The following CYP19A1 variants were observed in gnomAD, a reference collection of about 807,000 sequenced individuals.
CYP19A1 encodes the protein aromatase.
CYP19A1 carries 32 observed loss-of-function variants against 44.4 expected under a neutral mutation model. The observed-to-expected ratio is 0.72, with a 90% confidence interval of 0.54 to 0.97. The LOEUF (loss-of-function observed/expected upper bound fraction) is 0.97. CYP19A1 is among the 50% of genes least tolerant of loss of function. The probability of loss-of-function intolerance (pLI) is 0.00; values close to 1 mark genes in which losing one functional copy is unlikely to be tolerated. For synonymous variants in CYP19A1, 212 were observed against 215.6 expected (o/e 0.98, Z 0.14); for missense variants, 598 against 637.8 (o/e 0.94, Z 0.67).
chr15:51,278,803 T>G (rs1257542284), intron 1 of CYP19A1: 1 of 152,074 alleles, frequency 6.6e-6, no homozygotes, highest in Non-Finnish European at 1.5e-5. Context: ...TAAGGTAAGG[T>G]TTGACTTGGG....
intron 1 of CYP19A1, among the ~76,000 whole-genome samples, chr15:51,289,628 C>G (rs1239430055): frequency 6.6e-6 from 1 of 152,190 alleles, no homozygotes; most frequent in Non-Finnish European, 1.5e-5. Context: ...TCCCCACTCT[C>G]CAGCCAGCCA....
At chr15:51,230,012 G>C (rs1288508303) in intron 3 of CYP19A1, among the ~76,000 whole-genome samples, 1 of 152,176 alleles carries the variant, frequency 6.6e-6, no homozygotes, top group Non-Finnish European at 1.5e-5. Context: ...TGTCCTTTAG[G>C]GGGCACCAAC....
rs138451461 is a variant in CYP19A1, at chr15:51,290,061, G to A, written c.-38-47111C>T. Among the ~76,000 whole-genome samples the A allele has an allele frequency of 1.1e-3, 175 of 152,318 alleles. 1 individual carries two copies. Among genetic ancestry groups the A allele is most frequent in the African/African-American group, 3.8e-3 (160 of 41,574 alleles). On this transcript the variant is annotated intron_variant, in intron 1 of 9. Coordinates refer to ENST00000396402, the MANE Select transcript of CYP19A1 (RefSeq NM_000103.4). ...TCTTTTGAGTGTGGTCTCCCCTGGGGTCACAGCCCCAGTGAGCCCTCACTT... is the reference window on the plus strand; with the variant it reads ...TCTTTTGAGTGTGGTCTCCCCTGGGATCACAGCCCCAGTGAGCCCTCACTT...
chr15:51,228,005 G>C (rs1363987456), intron 3 of CYP19A1, 72 bp from the exon 4 acceptor site: 2 of 840,400 alleles, frequency 2.4e-6, no homozygotes, highest in East Asian at 2.4e-5. Flanking sequence ...TTTTGACTAG[G>C]AGGTAGCTCT....
intron 1 of CYP19A1, among the ~76,000 whole-genome samples, chr15:51,283,656 A>C (rs530894016): frequency 8.1e-4 from 124 of 152,230 alleles, no homozygotes; most frequent in Non-Finnish European, 1.4e-3. Context: ...AAAGGAAATC[A>C]AAAGGCAAGA....
chr15:51,233,323 C>A (rs2033166421), intron 3 of CYP19A1, among the ~76,000 whole-genome samples: 1 of 152,196 alleles, frequency 6.6e-6, no homozygotes, highest in African/African-American at 2.4e-5. Context: ...TGGTCCCAGG[C>A]AAACTGAAAC....
rs77295334 is a variant in CYP19A1, at chr15:51,310,278, G to A, written c.-39+28217C>T. On this transcript the variant is annotated intron_variant, in intron 1 of 9. Transcript: ENST00000396402. ...AGTCCTCTAAAAGCAGCTAGATTGC[G>A]AAAAGAAGTCAAAATTTGCTGAATG... Among the ~76,000 whole-genome samples the A allele has an allele frequency of 5.7e-4, 87 of 152,210 alleles. 2 individuals carry two copies. In the East Asian group the frequency reaches 0.016, roughly 28 times the overall value.
In CYP19A1 at chr15:51,215,996, A is replaced by T. The variant is rs180836489; in HGVS notation, c.744-179T>A. On this transcript the variant is annotated intron_variant, in intron 6 of 9. Coordinates refer to ENST00000396402, the MANE Select transcript of CYP19A1 (RefSeq NM_000103.4). ...TACCCTTAAATTACATAGACCCTAC[A>T]CTTCATGTTAAGGTGCCAGAGTTAG... The T allele has an allele frequency of 1.8e-5, 22 of 1,244,302 alleles. No individual in the cohort carries two copies. In the African/African-American group the frequency reaches 2.7e-4, roughly 15 times the overall value. The allele number at this position is 1,244,302 out of a possible 1,614,324, so 77.1% of individuals were successfully genotyped here. A position where few individuals can be genotyped will look rare whatever the true frequency, so the allele number is the denominator to read the frequency against.
intron 3 of CYP19A1, among the ~76,000 whole-genome samples, chr15:51,236,264 A>T (rs1265569346): frequency 6.6e-6 from 1 of 152,172 alleles, no homozygotes; most frequent in African/African-American, 2.4e-5. Context: ...TCTTTACTTT[A>T]ATCGGATTCA....
chr15:51,272,966 C>CT (rs564614710), intron 1 of CYP19A1, among the ~76,000 whole-genome samples: 8 of 149,704 alleles, frequency 5.3e-5, no homozygotes, highest in Admixed American at 1.3e-4. Context: ...TCTTTCCTCA[C>CT]TTTTTTTTTT....
chr15:51,303,043 G>A (rs1438554165), intron 1 of CYP19A1, among the ~76,000 whole-genome samples: 2 of 152,228 alleles, frequency 1.3e-5, no homozygotes, highest in Non-Finnish European at 2.9e-5. Context: ...TCCCAACCCT[G>A]AAGGACCGCT....
chr15:51,306,846 C>T (rs2036225095), intron 1 of CYP19A1, among the ~76,000 whole-genome samples: 1 of 152,176 alleles, frequency 6.6e-6, no homozygotes, highest in African/African-American at 2.4e-5. Flanking sequence ...GGCAACCAGA[C>T]TTAAGCCCTT....
chr15:51,295,116 T>C (rs1173296167), intron 1 of CYP19A1, among the ~76,000 whole-genome samples: 1 of 150,492 alleles, frequency 6.6e-6, no homozygotes, highest in East Asian at 1.9e-4. Flanking sequence ...CTGAGTGGGC[T>C]TGGAGCGAAT....
chr15:51,262,107 A>C (rs181804926), intron 1 of CYP19A1, among the ~76,000 whole-genome samples: 2 of 152,358 alleles, frequency 1.3e-5, no homozygotes, highest in Admixed American at 1.3e-4. Context: ...TGGCCCACCC[A>C]GGGCAGAAAA....
chr15:51,288,763 G>A (rs1166185824), intron 1 of CYP19A1, among the ~76,000 whole-genome samples: 13 of 152,166 alleles, frequency 8.5e-5, no homozygotes, highest in Admixed American at 2.6e-4. Context: ...CTCCTCTGGT[G>A]AGACACCCTT....
chr15:51,282,306 C>G (rs932172293), intron 1 of CYP19A1, among the ~76,000 whole-genome samples: 1 of 152,210 alleles, frequency 6.6e-6, no homozygotes, highest in African/African-American at 2.4e-5. Flanking sequence ...GACATAATGT[C>G]CAGGGCTCAG....
chr15:51,258,822 C>T (rs2034609900), intron 1 of CYP19A1, among the ~76,000 whole-genome samples: 1 of 152,064 alleles, frequency 6.6e-6, no homozygotes, highest in Admixed American at 6.6e-5. Flanking sequence ...TTCTTTTTAA[C>T]ATGTAAATCT....
intron 1 of CYP19A1, among the ~76,000 whole-genome samples, chr15:51,328,549 T>G (rs974662832): frequency 1.7e-4 from 6 of 34,488 alleles, no homozygotes; most frequent in Admixed American, 9.5e-4. Context: ...AGGGCAGGGG[T>G]GTGTGTGTGT....
At chr15:51,218,232 G>A (rs763641211) in intron 6 of CYP19A1, among the ~76,000 whole-genome samples, 1 of 152,106 alleles carries the variant, frequency 6.6e-6, no homozygotes. Context: ...ATTAATGACA[G>A]GATCAGTCGA....
Sources: allele counts gnomAD v4.1 joint callset (sites outside exome capture counted in the v4.1 genomes callset), GRCh38; gene constraint gnomAD v4.1.1; transcripts MANE v1.5; gene names NCBI Gene and HGNC (gene_info 2026-07-23, HGNC 2026-07-21).